ABL1: variants seen among roughly 807,000 people sequenced by gnomAD.
ABL1 encodes tyrosine-protein kinase ABL1.
ABL1 carries 11 observed loss-of-function variants against 94.7 expected under a neutral mutation model. The ratio of observed to expected loss-of-function variants is 0.12; its 90% CI spans 0.07 to 0.19. The LOEUF (loss-of-function observed/expected upper bound fraction) is 0.19, where lower values mean the gene tolerates loss of function less well. Ranked by LOEUF, ABL1 falls within the 10% of genes least tolerant of loss-of-function variation. The pLI is 1.00. For missense variants in ABL1, 1,082 were observed against 1,489.4 expected (o/e 0.73, Z 4.50); for synonymous variants, 656 against 622.4 (o/e 1.05, Z -0.80).
intron 1 of ABL1, among the ~76,000 whole-genome samples, chr9:130,813,312 A>C (rs537844763): frequency 6.6e-6 from 1 of 152,294 alleles, no homozygotes; most frequent in East Asian, 1.9e-4. Context: ...CTGTAATCCC[A>C]GCACTTTGGG....
intron 1 of ABL1, among the ~76,000 whole-genome samples, chr9:130,823,931 T>C (rs1314072187): frequency 3.3e-5 from 5 of 152,186 alleles, no homozygotes; most frequent in Non-Finnish European, 7.3e-5. Flanking sequence ...CTAGTTGATA[T>C]GCAATTGTTG....
intron 1 of ABL1, among the ~76,000 whole-genome samples, chr9:130,760,660 C>T (rs918278970): frequency 4.6e-5 from 7 of 151,808 alleles, no homozygotes; most frequent in Non-Finnish European, 7.4e-5. Context: ...GATTTATTTC[C>T]TCCCCCACTT....
rs1251924794 is a variant in ABL1, at chr9:130,862,576, C to T, written c.550-187C>T. 6.6e-6 allele frequency among the ~76,000 whole-genome samples: 1 copy of T among 152,104 alleles called. No individual in the cohort carries two copies. Among genetic ancestry groups the T allele is most frequent in the Non-Finnish European group, 1.5e-5 (1 of 68,026 alleles). On this transcript the variant is annotated intron_variant, in intron 3 of 10. Transcript: ENST00000318560. This position sits in a 1 kb window ranked among gnomAD's most constrained non-coding sequence, Gnocchi z 5.5. ...CTTTTATTGTGTCTTTTTGCTTGAGCGAGTAACTTAGAGCACACGTAGAGA... is the reference window on the plus strand; with the variant it reads ...CTTTTATTGTGTCTTTTTGCTTGAGTGAGTAACTTAGAGCACACGTAGAGA...
intron 3 of ABL1, among the ~76,000 whole-genome samples, chr9:130,858,563 C>T (rs1412581000): frequency 5.3e-5 from 8 of 152,080 alleles, no homozygotes; most frequent in African/African-American, 9.7e-5. Flanking sequence ...GGGCCGCACT[C>T]GAGGGGGTGT....
chr9:130,734,185 C>T lies in ABL1; in HGVS notation c.136+19730C>T, dbSNP rs151139366. 1.7e-3 allele frequency among the ~76,000 whole-genome samples: 259 copies of T among 151,028 alleles called. 1 individual carries two copies. The highest frequency in any genetic ancestry group is 6.0e-3 in the African/African-American group (246 of 41,114). On this transcript the variant is annotated intron_variant, in intron 1 of 10. Coordinates refer to the ABL1 transcript ENST00000372348. ...CAAATTTTTAATTTTTTCACAATTT[C>T]GTGGTATGATTTTTAATACTCTATT...
At chr9:130,832,110 A>C (rs961308839), upstream of ABL1, among the ~76,000 whole-genome samples, 12 of 149,874 alleles carry the variant, frequency 8.0e-5, no homozygotes, top group Admixed American at 7.4e-4. Flanking sequence ...TGGGGAGTTT[A>C]TCCTTTCCTT....
intron 1 of ABL1, among the ~76,000 whole-genome samples, chr9:130,805,578 G>A (rs2132839819): frequency 6.6e-6 from 1 of 152,312 alleles, no homozygotes; most frequent in East Asian, 1.9e-4. Flanking sequence ...AAAAGTAGGA[G>A]GGGAAGGAAG....
chr9:130,882,134 G>A lies in ABL1; in HGVS notation c.1678+1470G>A, dbSNP rs566171287. Among the ~76,000 whole-genome samples, 8 of 152,268 alleles carry A rather than the reference G, an allele frequency of 5.3e-5. No homozygotes were observed. In the South Asian group the frequency reaches 1.7e-3, roughly 32 times the overall value. On this transcript the variant is annotated intron_variant, in intron 10 of 10. Transcript: ENST00000318560. ...CCTCTTATCGGTTTTCCTGATTTCA[G>A]GTGGCTGAGCAGTAGGGAGGAGAGG...
chr9:130,720,945 G>C (rs1831506384), intron 1 of ABL1, among the ~76,000 whole-genome samples: 1 of 151,832 alleles, frequency 6.6e-6, no homozygotes, highest in African/African-American at 2.4e-5. Context: ...AGGCTGCAGT[G>C]GTAAGCTGTG....
intron 1 of ABL1, among the ~76,000 whole-genome samples, chr9:130,761,338 T>C (rs115753000): frequency 0.019 from 2,868 of 152,260 alleles, 91 homozygotes; most frequent in African/African-American, 0.066. Flanking sequence ...GACTTCTAGG[T>C]GGGAGAATGG....
rs1254700453 is a variant in ABL1 at position 130,863,762 on chromosome 9, G to T, written c.822+727G>T. Among the ~76,000 whole-genome samples the T allele has an allele frequency of 6.6e-6, 1 of 152,212 alleles. No individual in the cohort carries two copies. Among genetic ancestry groups the T allele is most frequent in the Non-Finnish European group, 1.5e-5 (1 of 68,030 alleles). ...CAGCCCTTTGCATTCTTCAAAATGT[G>T]ATCCAGGCTTTTCCCTGTGGCGAGG... On this transcript the variant is annotated intron_variant, in intron 4 of 10. Transcript: ENST00000318560. This position sits in a 1 kb window ranked among gnomAD's most constrained non-coding sequence, Gnocchi z 4.3.
At chr9:130,804,683 A>G (rs895026419) in intron 1 of ABL1, among the ~76,000 whole-genome samples, 4 of 152,242 alleles carry the variant, frequency 2.6e-5, no homozygotes, top group African/African-American at 9.6e-5. Context: ...ATTTTAAACA[A>G]TTTGTGCAAA....
intron 1 of ABL1, among the ~76,000 whole-genome samples, chr9:130,823,521 A>G (rs541129954): frequency 1.3e-5 from 2 of 152,264 alleles, no homozygotes; most frequent in East Asian, 3.9e-4. Context: ...GAGGGGCACG[A>G]TGGCTCCTCA....
At chr9:130,820,919 A>G (rs1424857528) in intron 1 of ABL1, among the ~76,000 whole-genome samples, 1 of 151,976 alleles carries the variant, frequency 6.6e-6, no homozygotes, top group East Asian at 1.9e-4. Context: ...CCATAACCAC[A>G]ATCCAGTTTT....
At chr9:130,843,175 C>T (rs1199988582) in intron 1 of ABL1, among the ~76,000 whole-genome samples, 1 of 152,178 alleles carries the variant, frequency 6.6e-6, no homozygotes, top group Non-Finnish European at 1.5e-5. Flanking sequence ...TCTGAGTTCA[C>T]CCAGCAGTGC....
intron 6 of ABL1, 32 bp downstream of exon 6, chr9:130,873,069 G>A (rs753314809): frequency 9.4e-6 from 15 of 1,599,996 alleles, no homozygotes; most frequent in Non-Finnish European, 1.0e-5. Context: ...CTGCGCCATG[G>A]AGTCACAGGG....
chr9:130,848,524 A>C (rs1373633665), intron 1 of ABL1, among the ~76,000 whole-genome samples: 1 of 151,920 alleles, frequency 6.6e-6, no homozygotes, highest in African/African-American at 2.4e-5. Context: ...ACTCAAAAAA[A>C]AAAAAAAAAA....
At chr9:130,859,587 C>T (rs1015456302) in intron 3 of ABL1, among the ~76,000 whole-genome samples, 10 of 151,622 alleles carry the variant, frequency 6.6e-5, no homozygotes, top group African/African-American at 2.4e-4. Flanking sequence ...GACTCCCGGG[C>T]CCAAAGCAGC....
intron 1 of ABL1, among the ~76,000 whole-genome samples, chr9:130,850,559 T>G (rs994407237): frequency 6.6e-6 from 1 of 152,202 alleles, no homozygotes; most frequent in African/African-American, 2.4e-5. Context: ...CAGGCTGGAG[T>G]GCAGTGGCAT....
Sources: gnomAD v4.1 joint callset for allele counts (sites outside exome capture counted in the v4.1 genomes callset) on GRCh38, gnomAD v4.1.1 for gene constraint, Gnocchi (gnomAD v3.1) non-coding constraint, MANE v1.5 for transcripts, NCBI Gene and HGNC (gene_info 2026-07-23, HGNC 2026-07-21) for gene names.